The following CSMD1 variants were observed in gnomAD, a reference collection of about 807,000 sequenced individuals.
The protein encoded by CSMD1 is CUB and Sushi multiple domains 1.
In CSMD1, 213 loss-of-function variants were observed where a neutral mutation model predicts 417.5. That is an observed-to-expected ratio of 0.51 (90% CI 0.46 to 0.57). The LOEUF (loss-of-function observed/expected upper bound fraction) is 0.57, where lower values mean the gene tolerates loss of function less well. CSMD1 is among the 20% of genes least tolerant of loss of function. The pLI is 0.00. For synonymous variants in CSMD1, 2,862 were observed against 1,736.8 expected (o/e 1.65, Z -16.11); for missense variants, 6,923 against 4,529.7 (o/e 1.53, Z -15.17).
chr8:3,362,972 A>G (rs192644668), intron 20 of CSMD1, among the ~76,000 whole-genome samples: 4 of 152,282 alleles, frequency 2.6e-5, no homozygotes, highest in African/African-American at 9.6e-5. Flanking sequence ...AATCCATCCA[A>G]TGGCTTCATG....
At chr8:3,960,291 C>G (rs74335317) in intron 5 of CSMD1, among the ~76,000 whole-genome samples, 3,281 of 152,226 alleles carry the variant, frequency 0.022, 126 homozygotes, top group African/African-American at 0.073. Context: ...AGGAATTTAG[C>G]AAATGTTACT....
intron 5 of CSMD1, among the ~76,000 whole-genome samples, chr8:3,869,452 C>G (rs143418078): frequency 1.3e-5 from 2 of 152,150 alleles, no homozygotes; most frequent in African/African-American, 4.8e-5. Context: ...TAAAGCGTGT[C>G]TCACCTTAGT....
intron 2 of CSMD1, among the ~76,000 whole-genome samples, chr8:4,589,187 G>A (rs1216973937): frequency 5.3e-5 from 8 of 152,070 alleles, no homozygotes; most frequent in African/African-American, 1.7e-4. Flanking sequence ...AAAGGGAATT[G>A]GATAGAGCCT....
intron 7 of CSMD1, among the ~76,000 whole-genome samples, chr8:3,693,412 G>A (rs936358287): frequency 6.6e-6 from 1 of 152,094 alleles, no homozygotes; most frequent in Non-Finnish European, 1.5e-5. Flanking sequence ...GTGTGGGATA[G>A]GCTGACAATT....
At chr8:4,748,763 G>A (rs181804154) in intron 1 of CSMD1, among the ~76,000 whole-genome samples, 53 of 152,288 alleles carry the variant, frequency 3.5e-4, no homozygotes, top group Admixed American at 1.1e-3. Flanking sequence ...CTTAATTACT[G>A]GTTAATTATT....
chr8:4,001,916 C>T (rs1001894714), intron 4 of CSMD1, among the ~76,000 whole-genome samples: 12 of 151,924 alleles, frequency 7.9e-5, no homozygotes, highest in Admixed American at 1.3e-4. Context: ...ATTCCCAAAC[C>T]TTATGACTAT....
At chr8:4,987,457 T>C (rs1051961196) in intron 1 of CSMD1, among the ~76,000 whole-genome samples, 2 of 152,338 alleles carry the variant, frequency 1.3e-5, no homozygotes, top group African/African-American at 2.4e-5. Context: ...TGGTTTATAA[T>C]TATCTGAATA....
chr8:3,243,596 AT>A (rs1389020472), intron 26 of CSMD1, among the ~76,000 whole-genome samples: 1 of 151,950 alleles, frequency 6.6e-6, no homozygotes, highest in African/African-American at 2.4e-5. Context: ...GGAACAGGCC[AT>A]TTTCACTTCT....
At chr8:3,284,414 G>T in intron 25 of CSMD1, 68 bp from the exon 26 acceptor site, 1 of 1,218,194 alleles carries the variant, frequency 8.2e-7, no homozygotes, top group Non-Finnish European at 1.2e-6. Flanking sequence ...TAGCTGTAAA[G>T]TAAGCAAGCT....
chr8:4,137,932 C>A (rs1398698564), intron 3 of CSMD1, among the ~76,000 whole-genome samples: 2 of 151,638 alleles, frequency 1.3e-5, no homozygotes, highest in African/African-American at 4.8e-5. Context: ...GGTTGGAGTG[C>A]AGTGGCGCAA....
In CSMD1 at chr8:3,401,957, C is replaced by T. The variant is rs897957834; in HGVS notation, c.2267-2428G>A. Among the ~76,000 whole-genome samples the T allele has an allele frequency of 2.0e-5, 3 of 147,334 alleles. No homozygotes were observed. In the South Asian group the frequency reaches 6.4e-4, roughly 32 times the overall value. On this transcript the variant is annotated intron_variant, in intron 15 of 69. Coordinates refer to ENST00000635120, the MANE Select transcript of CSMD1 (RefSeq NM_033225.6). ...TGTTTAGAAAGCAATTTCTTCTTTG[C>T]TTTTTTTTTTTGATGATTTAAATTA...
intron 22 of CSMD1, among the ~76,000 whole-genome samples, chr8:3,346,890 C>T (rs900233827): frequency 6.6e-6 from 1 of 152,218 alleles, no homozygotes; most frequent in African/African-American, 2.4e-5. Flanking sequence ...AAAAGAGCCA[C>T]GTGTTCCTTT....
At chr8:4,963,149 C>T (rs1320238181) in intron 1 of CSMD1, among the ~76,000 whole-genome samples, 3 of 152,070 alleles carry the variant, frequency 2.0e-5, no homozygotes, top group African/African-American at 7.2e-5. Flanking sequence ...GTCAATTGCC[C>T]TCTGTAAGCT....
chr8:3,366,759 C>T (rs77885611), intron 20 of CSMD1, among the ~76,000 whole-genome samples: 2 of 152,166 alleles, frequency 1.3e-5, no homozygotes, highest in African/African-American at 4.8e-5. Context: ...AAGGGCTTTG[C>T]AGAATGTAGT....
intron 3 of CSMD1, among the ~76,000 whole-genome samples, chr8:4,088,406 T>C (rs1175216086): frequency 2.0e-5 from 3 of 152,240 alleles, no homozygotes; most frequent in Admixed American, 2.0e-4. Flanking sequence ...ACACCTTTTC[T>C]CAGGTTTCCT....
At chr8:4,469,784 T>A (rs2130035521) in intron 2 of CSMD1, among the ~76,000 whole-genome samples, 1 of 152,106 alleles carries the variant, frequency 6.6e-6, no homozygotes, top group East Asian at 1.9e-4. Flanking sequence ...GCGACAGCAC[T>A]CCTCTGCTTA....
chr8:4,357,256 G>A (rs138380150), intron 3 of CSMD1, among the ~76,000 whole-genome samples: 4 of 152,028 alleles, frequency 2.6e-5, no homozygotes, highest in Non-Finnish European at 5.9e-5. Context: ...AGAGGTTCAG[G>A]GACTAAAAAG....
At chr8:4,708,867 G>T (rs999862655) in intron 1 of CSMD1, among the ~76,000 whole-genome samples, 1 of 152,260 alleles carries the variant, frequency 6.6e-6, no homozygotes, top group South Asian at 2.1e-4. Context: ...ATAAGAAAGG[G>T]AAATTAGAAT....
chr8:2,982,473 T>C (rs1055873830), intron 54 of CSMD1, among the ~76,000 whole-genome samples: 1 of 152,230 alleles, frequency 6.6e-6, no homozygotes, highest in African/African-American at 2.4e-5. Flanking sequence ...ATGTCCCCAT[T>C]CTCAGTTAAG....
Sources: gnomAD v4.1 joint callset for allele counts (sites outside exome capture counted in the v4.1 genomes callset) on GRCh38, gnomAD v4.1.1 for gene constraint, MANE v1.5 for transcripts, NCBI Gene and HGNC (gene_info 2026-07-23, HGNC 2026-07-21) for gene names.